Variants in SLCO1A2 observed in about 807,000 individuals in gnomAD.
SLCO1A2 encodes the protein solute carrier organic anion transporter family member 1A2, also known as OATP-1.
Under a neutral mutation model 69.0 loss-of-function variants are expected in SLCO1A2, and 67 were observed. The observed-to-expected ratio is 0.97, with a 90% CI of 0.80 to 1.19. The LOEUF is 1.19. Ranked by LOEUF, SLCO1A2 falls within the 50% of genes most tolerant of loss-of-function variation. SLCO1A2 has a pLI of 0.00. For missense variants in SLCO1A2, 787 were observed against 793.7 expected, an observed-to-expected ratio of 0.99 and a Z score of 0.10; for synonymous variants, 260 against 265.9, an observed-to-expected ratio of 0.98 and a Z score of 0.22.
At chr12:21,302,487 T>C (rs1948831416) in intron 6 of SLCO1A2, among the ~76,000 whole-genome samples, 1 of 152,118 alleles carries the variant, frequency 6.6e-6, no homozygotes, top group Non-Finnish European at 1.5e-5. Flanking sequence ...TCCTAATATC[T>C]CTCAGTATAT....
intron 2 of SLCO1A2, among the ~76,000 whole-genome samples, chr12:21,348,860 G>C (rs993548690): frequency 2.0e-5 from 3 of 152,146 alleles, no homozygotes; most frequent in African/African-American, 7.2e-5. Context: ...TTATACATTT[G>C]TCCAAACCCA....
intron 2 of SLCO1A2, among the ~76,000 whole-genome samples, chr12:21,327,589 G>A (rs1264990269): frequency 6.6e-6 from 1 of 152,184 alleles, no homozygotes; most frequent in Non-Finnish European, 1.5e-5. Context: ...ACCTGGATGT[G>A]AGACACGCAG....
chr12:21,405,203 T>C (rs1445571789), intron 1 of SLCO1A2, among the ~76,000 whole-genome samples: 1 of 152,118 alleles, frequency 6.6e-6, no homozygotes, highest in Non-Finnish European at 1.5e-5. Context: ...ATAGTTTCTT[T>C]TGCTGTGCAG....
chr12:21,409,817 T>C (rs904611138), intron 1 of SLCO1A2, among the ~76,000 whole-genome samples: 4 of 152,186 alleles, frequency 2.6e-5, no homozygotes, highest in Non-Finnish European at 5.9e-5. Flanking sequence ...GCTATATCAC[T>C]CTAAACATCA....
intron 14 of SLCO1A2, 37 bp downstream of exon 14, chr12:21,274,432 G>T: frequency 1.5e-6 from 2 of 1,372,192 alleles, no homozygotes; most frequent in Non-Finnish European, 2.1e-6. Context: ...CACAGTCTAT[G>T]CTTATAAAAC....
At position 21,304,483 on chromosome 12, in the gene SLCO1A2, A is replaced by G. The variant is rs1194808021; in HGVS notation, c.533T>C (p.Leu178Ser). Residue 178 changes from leucine (L) to serine (S), a missense_variant, in exon 6 of 15, where the codon TTG (leucine) becomes TCG (serine). Leu to Ser is a moderately radical substitution (Grantham distance 145). Coordinates refer to ENST00000683939, the MANE Select transcript of SLCO1A2 (RefSeq NM_001386879.1). ...RGMGETPILP[L>S]GISYIEDFAK... ...AAAATCTTCTATATAGGAAATACCC[A>G]AAGGCAGGATGGGAGTTTCACCCAT... The G allele has an allele frequency of 6.8e-6, 11 of 1,613,004 alleles. No individual in the cohort carries two copies. The highest frequency in any genetic ancestry group is 9.3e-6 in the Non-Finnish European group (11 of 1,179,114).
intron 6 of SLCO1A2, among the ~76,000 whole-genome samples, chr12:21,303,205 C>G (rs1233946022): frequency 6.6e-6 from 1 of 151,962 alleles, no homozygotes; most frequent in Non-Finnish European, 1.5e-5. Flanking sequence ...CTTGTATGGA[C>G]CACATCATCC....
chr12:21,340,652 C>A (rs1019399682), intron 2 of SLCO1A2, among the ~76,000 whole-genome samples: 1 of 151,848 alleles, frequency 6.6e-6, no homozygotes, highest in African/African-American at 2.4e-5. Context: ...TGAGGAAATC[C>A]ACTTGCCATT....
At chr12:21,285,970 A>G (rs1006323719) in intron 12 of SLCO1A2, among the ~76,000 whole-genome samples, 11 of 152,172 alleles carry the variant, frequency 7.2e-5, no homozygotes, top group Admixed American at 4.6e-4. Context: ...GCCCTCTCTC[A>G]CCACTCCTAT....
chr12:21,418,516 A>G (rs1046516047), upstream of SLCO1A2, among the ~76,000 whole-genome samples: 8 of 152,184 alleles, frequency 5.3e-5, no homozygotes, highest in African/African-American at 1.9e-4. Context: ...CCTCATAATC[A>G]TGATGGAAGG....
intron 8 of SLCO1A2, among the ~76,000 whole-genome samples, chr12:21,298,233 C>G (rs1948043736): frequency 6.6e-6 from 1 of 152,148 alleles, no homozygotes; most frequent in Non-Finnish European, 1.5e-5. Context: ...ATTCTAAGGA[C>G]TATGTAAATG....
chr12:21,286,972 A>G (rs1382872377), intron 12 of SLCO1A2, among the ~76,000 whole-genome samples: 8 of 149,850 alleles, frequency 5.3e-5, no homozygotes, highest in African/African-American at 2.0e-4. Flanking sequence ...TGTCCAAAAC[A>G]CCAAAAGCAA....
chr12:21,284,422 C>G (rs1200073806), intron 12 of SLCO1A2, among the ~76,000 whole-genome samples: 1 of 151,090 alleles, frequency 6.6e-6, no homozygotes, highest in Non-Finnish European at 1.5e-5. Flanking sequence ...CTTTAACACC[C>G]CACTGTCAAC....
In SLCO1A2 at chr12:21,269,560, TTTCAA is replaced by T; in HGVS notation, c.1996_2000del (p.Leu666AsnfsTer2). 6.2e-7 allele frequency: 1 copy of T among 1,609,716 alleles called. No homozygotes were observed. The highest frequency in any genetic ancestry group is 1.7e-5 in the Admixed American group (1 of 59,784). On this transcript the variant is annotated frameshift_variant, in exon 15 of 15. Transcript: ENST00000683939. LOFTEE classifies it high-confidence loss of function. Reference sequence around the variant, plus strand: ...TATAATAGGACAATTACAATTTAGTTTTCAATTCATCATCTTTCAAAACCGTGGAC... The same window carrying T: ...TATAATAGGACAATTACAATTTAGTTTTCATCATCTTTCAAAACCGTGGAC...
chr12:21,319,220 A>G (rs1227396593), intron 2 of SLCO1A2: 14 of 730,164 alleles, frequency 1.9e-5, no homozygotes, highest in Non-Finnish European at 2.6e-5. Flanking sequence ...GATAACTTAA[A>G]CATGTCTTCA....
chr12:21,381,556 G>T (rs192285054), intron 1 of SLCO1A2, among the ~76,000 whole-genome samples: 1 of 152,288 alleles, frequency 6.6e-6, no homozygotes, highest in Non-Finnish European at 1.5e-5. Flanking sequence ...CCGGCACTTT[G>T]GGAGGCTGAG....
At chr12:21,386,285 C>A (rs1450913348) in intron 1 of SLCO1A2, among the ~76,000 whole-genome samples, 1 of 152,086 alleles carries the variant, frequency 6.6e-6, no homozygotes, top group Non-Finnish European at 1.5e-5. Context: ...ATTAAAAAAA[C>A]AATATCTGCC....
chr12:21,321,353 T>A (rs756661469), intron 2 of SLCO1A2, among the ~76,000 whole-genome samples: 19 of 152,202 alleles, frequency 1.2e-4, no homozygotes, highest in Non-Finnish European at 2.5e-4. Flanking sequence ...AAACCTCTCA[T>A]ATGTATGAAC....
intron 4 of SLCO1A2, among the ~76,000 whole-genome samples, chr12:21,312,277 C>G (rs1950320244): frequency 6.6e-6 from 1 of 152,196 alleles, no homozygotes. Context: ...CATGAACCCA[C>G]CTCTCTTGGC....
Sources: gnomAD v4.1 joint callset for allele counts (sites outside exome capture counted in the v4.1 genomes callset) on GRCh38, gnomAD v4.1.1 for gene constraint, MANE v1.5 for transcripts, NCBI Gene and HGNC (gene_info 2026-07-23, HGNC 2026-07-21) for gene names.